WDR44: variants seen among roughly 807,000 people sequenced by gnomAD.
WDR44 encodes the protein WD repeat-containing protein 44.
Under a neutral mutation model 65.7 loss-of-function variants are expected in WDR44, and 9 were observed. The ratio of observed to expected loss-of-function variants is 0.14; its 90% CI spans 0.08 to 0.24. WDR44 has a LOEUF of 0.24. WDR44 is among the 10% of genes least tolerant of loss of function. WDR44 has a pLI of 1.00. For missense variants in WDR44, 425 were observed against 670.9 expected (o/e 0.63, Z 4.05); for synonymous variants, 220 against 235.2 (o/e 0.94, Z 0.59).
chrX:118,408,972 A>C (rs1319040573), intron 10 of WDR44, among the ~76,000 whole-genome samples: 4 of 112,025 alleles, frequency 3.6e-5, no homozygotes, highest in Non-Finnish European at 7.5e-5. Flanking sequence ...CACTACAACT[A>C]TCTTACCCTA....
At chrX:118,427,783 T>C (rs2147739269) in intron 12 of WDR44, among the ~76,000 whole-genome samples, 1 of 105,894 alleles carries the variant, frequency 9.4e-6, no homozygotes, top group African/African-American at 3.4e-5. Context: ...CACGCTATTC[T>C]CCTGCCTCAG....
intron 19 of WDR44, chrX:118,444,965 A>G (rs915231177): frequency 1.2e-5 from 4 of 328,228 alleles, no homozygotes; most frequent in African/African-American, 1.1e-4. Context: ...TATTTCCTCA[A>G]AGTTTTACCT....
intron 2 of WDR44, among the ~76,000 whole-genome samples, chrX:118,382,494 T>C (rs1285050716): frequency 1.8e-5 from 2 of 112,253 alleles, no homozygotes; most frequent in African/African-American, 3.2e-5. Flanking sequence ...GTTTTTCTCC[T>C]TTTTTAAAAA....
intron 1 of WDR44, among the ~76,000 whole-genome samples, chrX:118,377,216 T>A (rs189016634): frequency 5.7e-4 from 62 of 109,706 alleles, no homozygotes; most frequent in Non-Finnish European, 1.0e-3. Context: ...AAATATTAGC[T>A]GGGTGTGGTG....
chrX:118,348,920 C>T (rs145231917), intron 1 of WDR44, among the ~76,000 whole-genome samples: 3 of 112,443 alleles, frequency 2.7e-5, no homozygotes, highest in Non-Finnish European at 3.8e-5. Flanking sequence ...ACTATGTCAA[C>T]AAATTGTAGT....
intron 12 of WDR44, among the ~76,000 whole-genome samples, chrX:118,430,702 G>A (rs1219875081): frequency 6.3e-5 from 7 of 111,331 alleles, no homozygotes; most frequent in African/African-American, 1.6e-4. Flanking sequence ...TTAACCAGGC[G>A]TGGTGGCATG....
intron 1 of WDR44, among the ~76,000 whole-genome samples, chrX:118,367,203 T>C (rs760216420): frequency 1.7e-3 from 186 of 112,490 alleles, no homozygotes; most frequent in African/African-American, 5.1e-3. Flanking sequence ...TGTTGTATAT[T>C]TGGGTTTATA....
At chrX:118,433,809 T>C (rs1458140990) in intron 13 of WDR44, among the ~76,000 whole-genome samples, 1 of 111,903 alleles carries the variant, frequency 8.9e-6, no homozygotes, top group Non-Finnish European at 1.9e-5. Flanking sequence ...ATCGTCATCA[T>C]CATCATCATC....
At chrX:118,380,255 G>C (rs951963973) in intron 2 of WDR44, among the ~76,000 whole-genome samples, 1 of 111,195 alleles carries the variant, frequency 9.0e-6, no homozygotes, top group Non-Finnish European at 1.9e-5. Context: ...GGAATTTAAC[G>C]TTGGTGCAAT....
intron 1 of WDR44, among the ~76,000 whole-genome samples, chrX:118,375,398 C>G (rs914164502): frequency 9.3e-6 from 1 of 108,093 alleles, no homozygotes. Context: ...AAAGGTTTTT[C>G]AGGCTAGGTG....
chrX:118,444,294 C>T (rs1473226147), intron 18 of WDR44, 66 bp from the exon 19 acceptor site: 1 of 1,119,854 alleles, frequency 8.9e-7, no homozygotes, highest in African/African-American at 1.8e-5. Context: ...TGGCATATAA[C>T]ATACACTATC....
chrX:118,357,764 G>C (rs749758740), intron 1 of WDR44, among the ~76,000 whole-genome samples: 2 of 110,362 alleles, frequency 1.8e-5, no homozygotes, highest in African/African-American at 6.6e-5. Flanking sequence ...CTTGCCTGTA[G>C]TCCCAGCTAG....
intron 9 of WDR44, among the ~76,000 whole-genome samples, chrX:118,405,985 A>T (rs1469382415): frequency 9.1e-6 from 1 of 110,058 alleles, no homozygotes; most frequent in Non-Finnish European, 1.9e-5. Flanking sequence ...CTACTAAAAA[A>T]TAAAAATTAG....
rs556374639 is a variant in WDR44, at chrX:118,352,352, A to ATTTTTTTTTTTTT, written c.77+5781_77+5793dup. 6.3e-4 allele frequency among the ~76,000 whole-genome samples: 9 copies of ATTTTTTTTTTTTT among 14,224 alleles called. 2 individuals carry two copies. The highest frequency in any genetic ancestry group is 2.2e-3 in the African/African-American group (6 of 2,695). 12.4% of individuals were successfully genotyped at this position (14,224 alleles called of 115,157 possible). On this transcript the variant is annotated intron_variant, in intron 1 of 19. Coordinates refer to ENST00000254029, the MANE Select transcript of WDR44 (RefSeq NM_019045.5). ...TATATATATATATATATATATATATATTTTTTTTTTTTTTTTTTTTTGTAG... is the reference window on the plus strand; with the variant it reads ...TATATATATATATATATATATATATATTTTTTTTTTTTTTTTTTTTTTTTTTTTTTTTTTGTAG...
intron 1 of WDR44, among the ~76,000 whole-genome samples, chrX:118,373,371 C>A (rs962597750): frequency 9.0e-6 from 1 of 111,539 alleles, no homozygotes. Flanking sequence ...TACTTATTTA[C>A]AAGCTGCTTT....
At chrX:118,371,691 T>C (rs2147678887) in intron 1 of WDR44, among the ~76,000 whole-genome samples, 1 of 111,235 alleles carries the variant, frequency 9.0e-6, no homozygotes, top group South Asian at 3.7e-4. Context: ...ATCAGAAATA[T>C]TTGATTTAAA....
chrX:118,424,323 G>GTGTGTATATATATATATATATATATA lies in WDR44; in HGVS notation c.1738-8457_1738-8456insGTGTATATATATATATATATATATAT, dbSNP rs1289349202. Among the ~76,000 whole-genome samples the GTGTGTATATATATATATATATATATA allele has an allele frequency of 9.8e-4, 64 of 65,496 alleles. 1 individual carries two copies. The highest frequency in any genetic ancestry group is 5.3e-3 in the African/African-American group (53 of 10,039). 56.9% of individuals were successfully genotyped at this position (65,496 alleles called of 115,157 possible). On this transcript the variant is annotated intron_variant, in intron 12 of 19. Transcript: ENST00000254029. ...TGTATATATATATATGTGTGTGTGTGTATATATATATATATATATATATAT... is the reference window on the plus strand; with the variant it reads ...TGTATATATATATATGTGTGTGTGTGTGTGTATATATATATATATATATATATATATATATATATATATATATATAT...
chrX:118,403,110 G>T (rs2056934332), intron 8 of WDR44, among the ~76,000 whole-genome samples: 1 of 112,135 alleles, frequency 8.9e-6, no homozygotes. Context: ...GGATGGAGCA[G>T]GGTGGTGTGA....
At chrX:118,436,864 G>A in intron 14 of WDR44, 40 bp downstream of exon 14, 1 of 1,105,794 alleles carries the variant, frequency 9.0e-7, no homozygotes, top group Non-Finnish European at 1.2e-6. Context: ...AACCTCTAAG[G>A]AAGGTGAGAG....
Sources: allele counts gnomAD v4.1 joint callset (sites outside exome capture counted in the v4.1 genomes callset), GRCh38; gene constraint gnomAD v4.1.1; transcripts MANE v1.5; gene names NCBI Gene and HGNC (gene_info 2026-07-23, HGNC 2026-07-21).